ZNF623: variants seen among roughly 807,000 people sequenced by gnomAD.
ZNF623 encodes the protein zinc finger protein 623.
A neutral mutation model predicts 24.0 loss-of-function variants in ZNF623; 16 were observed. The observed-to-expected ratio is 0.67, with a 90% confidence interval of 0.45 to 1.01. ZNF623 has a LOEUF of 1.01. Among genes scored for constraint, ZNF623 ranks in the 50% least tolerant of loss-of-function variants. The probability of loss-of-function intolerance (pLI) is 0.00; values close to 1 mark genes in which losing one functional copy is unlikely to be tolerated. For synonymous variants in ZNF623, 224 were observed against 219.8 expected, an observed-to-expected ratio of 1.02 and a Z score of -0.17; for missense variants, 566 against 606.5, an observed-to-expected ratio of 0.93 and a Z score of 0.70.
chr8:143,645,970 A>G (rs1815168478), intron 1 of ZNF623, among the ~76,000 whole-genome samples: 1 of 152,148 alleles, frequency 6.6e-6, no homozygotes, highest in Non-Finnish European at 1.5e-5. Context: ...TGTAGCAAGC[A>G]CTGTTAATCT....
intron 1 of ZNF623, among the ~76,000 whole-genome samples, chr8:143,643,735 A>G (rs1461818293): frequency 6.6e-6 from 1 of 152,232 alleles, no homozygotes; most frequent in Non-Finnish European, 1.5e-5. Flanking sequence ...ATGGAGTCGT[A>G]CAATATGAGC....
chr8:143,644,520 C>T (rs1236187926), intron 1 of ZNF623, among the ~76,000 whole-genome samples: 3 of 152,202 alleles, frequency 2.0e-5, no homozygotes, highest in Admixed American at 6.5e-5. Context: ...GTTCTTGAGG[C>T]GAGACAGTCA....
chr8:143,642,855 G>A (rs1405701065), intron 1 of ZNF623, among the ~76,000 whole-genome samples: 1 of 152,166 alleles, frequency 6.6e-6, no homozygotes. Context: ...CATGGGTGTG[G>A]AGGGCAGAGT....
intron 1 of ZNF623, among the ~76,000 whole-genome samples, chr8:143,640,716 G>T (rs1815029004): frequency 6.6e-6 from 1 of 151,996 alleles, no homozygotes; most frequent in Non-Finnish European, 1.5e-5. Flanking sequence ...TGAGGCAGGT[G>T]GATCACCTGA....
At chr8:143,648,129 GTGTT>G (rs1449897918) in intron 1 of ZNF623, among the ~76,000 whole-genome samples, 5 of 152,188 alleles carry the variant, frequency 3.3e-5, no homozygotes, top group Non-Finnish European at 7.3e-5. Flanking sequence ...AGGCATGTGA[GTGTT>G]CAGCATAGAT....
intron 1 of ZNF623, among the ~76,000 whole-genome samples, chr8:143,647,673 A>G (rs7827272): frequency 1 from 151,678 of 152,390 alleles, 75,488 homozygotes; most frequent in Middle Eastern, 1. Context: ...GTCCAGGCCC[A>G]GTGGCCCTTG....
chr8:143,637,037 C>A (rs1814940226), intron 1 of ZNF623, among the ~76,000 whole-genome samples: 1 of 152,210 alleles, frequency 6.6e-6, no homozygotes, highest in Non-Finnish European at 1.5e-5. Context: ...GGGGGCTCGT[C>A]GTTGTCCTTG....
Position 143,650,861 on chromosome 8 carries a change from G to A in ZNF623, c.869G>A (p.Arg290Gln), listed in dbSNP as rs753008079. Residue 290 changes from arginine (R) to glutamine (Q), a missense_variant, in exon 2 of 2, where the codon CGG becomes CAG. Physicochemically the swap from Arg to Gln is conservative, Grantham distance 43. Around this residue, in one of 3 missense-constraint regions of ZNF623, gnomAD observed 117 missense variants for 174.2 expected, o/e 0.67. Coordinates refer to ENST00000526926, the MANE Select transcript of ZNF623 (RefSeq NM_001261843.2). This position sits in a 1 kb window ranked among gnomAD's most constrained non-coding sequence, Gnocchi z 5.2. ...ECNECGKAFI[R>Q]SSKLIQHQRI... ...AATGAGTGTGGGAAAGCCTTTATTC[G>A]GAGTTCAAAGCTCATTCAGCATCAG... 1.1e-5 allele frequency: 18 copies of A among 1,613,418 alleles called. No individual in the cohort carries two copies. Among genetic ancestry groups the A allele is most frequent in the African/African-American group, 2.7e-5 (2 of 74,696 alleles).
chr8:143,643,786 T>C (rs1815112912), intron 1 of ZNF623, among the ~76,000 whole-genome samples: 1 of 152,250 alleles, frequency 6.6e-6, no homozygotes, highest in South Asian at 2.1e-4. Context: ...CTTCGTCTGT[T>C]GTGAGGTCCA....
chr8:143,649,409 C>T (rs1026815378), intron 1 of ZNF623, among the ~76,000 whole-genome samples: 1 of 152,070 alleles, frequency 6.6e-6, no homozygotes, highest in African/African-American at 2.4e-5. Context: ...CAGGGGAGCC[C>T]GATTCTGTGC....
intron 1 of ZNF623, among the ~76,000 whole-genome samples, chr8:143,647,494 A>G (rs1310081560): frequency 6.6e-6 from 1 of 152,122 alleles, no homozygotes; most frequent in African/African-American, 2.4e-5. Context: ...ACTAGGAGGG[A>G]CTCTGATCAG....
At chr8:143,640,515 C>G (rs1266139850) in intron 1 of ZNF623, among the ~76,000 whole-genome samples, 3 of 152,236 alleles carry the variant, frequency 2.0e-5, no homozygotes, top group Non-Finnish European at 4.4e-5. Flanking sequence ...CCTCTCAAAC[C>G]CTGCCTGTGT....
rs977058519 is a variant in ZNF623, at chr8:143,653,205, A to C, written c.*1722A>C. ...TGGACAGCCGCCTCGCCAAACTGTT[A>C]GTCTTTACCTCTGAATTTCATCTGG... On this transcript the variant is annotated 3_prime_UTR_variant, in exon 2 of 2. Transcript: ENST00000526926. 5 of 167,094 alleles carry C rather than the reference A, an allele frequency of 3.0e-5. No individual in the cohort carries two copies. The highest frequency in any genetic ancestry group is 7.3e-5 in the Non-Finnish European group (5 of 68,120). 10.4% of individuals were successfully genotyped at this position (167,094 alleles called of 1,614,324 possible).
At chr8:143,638,734 G>A (rs928677263) in intron 1 of ZNF623, among the ~76,000 whole-genome samples, 5 of 151,580 alleles carry the variant, frequency 3.3e-5, no homozygotes, top group Admixed American at 3.3e-4. Context: ...CAGCCTGGGC[G>A]ACAGAGTGAG....
At chr8:143,643,603 T>G (rs1815107654) in intron 1 of ZNF623, among the ~76,000 whole-genome samples, 1 of 152,222 alleles carries the variant, frequency 6.6e-6, no homozygotes, top group Non-Finnish European at 1.5e-5. Context: ...TTTTCCAAAG[T>G]GAGCACCTGT....
intron 1 of ZNF623, among the ~76,000 whole-genome samples, chr8:143,649,218 C>G (rs985764360): frequency 6.6e-6 from 1 of 151,022 alleles, no homozygotes; most frequent in African/African-American, 2.4e-5. Flanking sequence ...GCAGAACTTG[C>G]AGTGAGCCGA....
intron 1 of ZNF623, among the ~76,000 whole-genome samples, chr8:143,642,129 C>T (rs186052581): frequency 3.9e-5 from 6 of 152,348 alleles, no homozygotes; most frequent in African/African-American, 1.4e-4. Flanking sequence ...CCACCTTAGT[C>T]AACCATCTTA....
chr8:143,646,384 C>T (rs746141554), intron 1 of ZNF623, among the ~76,000 whole-genome samples: 28 of 152,250 alleles, frequency 1.8e-4, no homozygotes, highest in Non-Finnish European at 8.8e-5. Context: ...ATGATTAGAA[C>T]ATTCATTCAT....
Position 143,640,516 on chromosome 8 carries a change from C to CT in ZNF623, c.-96+4372dup, listed in dbSNP as rs1488086618. On this transcript the variant is annotated intron_variant, in intron 1 of 1. Coordinates refer to ENST00000526926, the MANE Select transcript of ZNF623 (RefSeq NM_001261843.2). ...AAATTAGAGTCAAGCCTCTCAAACC[C>CT]TGCCTGTGTTTTATCAACTAAGTTT... Among the ~76,000 whole-genome samples the CT allele has an allele frequency of 2.0e-5, 3 of 152,364 alleles. No homozygotes were observed. In the East Asian group the frequency reaches 5.8e-4, roughly 29 times the overall value.
Sources: allele counts gnomAD v4.1 joint callset (sites outside exome capture counted in the v4.1 genomes callset), GRCh38; gene constraint gnomAD v4.1.1; regional missense constraint gnomAD v4.1.1; non-coding constraint Gnocchi (gnomAD v3.1); transcripts MANE v1.5; gene names NCBI Gene and HGNC (gene_info 2026-07-23, HGNC 2026-07-21).